HNF1B: variants seen among roughly 807,000 people sequenced by gnomAD.
HNF1B encodes the protein HNF1 homeobox B.
HNF1B carries 8 observed loss-of-function variants against 61.7 expected under a neutral mutation model. The ratio of observed to expected loss-of-function variants is 0.13; its 90% CI spans 0.08 to 0.23. The LOEUF is 0.23. Ranked by LOEUF, HNF1B falls within the 10% of genes least tolerant of loss-of-function variation. The pLI, the probability that HNF1B is intolerant of heterozygous loss-of-function variation, is 1.00. For missense variants in HNF1B, 562 were observed against 714.5 expected (o/e 0.79, Z 2.43); for synonymous variants, 314 against 287.7 (o/e 1.09, Z -0.93).
intron 4 of HNF1B, among the ~76,000 whole-genome samples, chr17:37,718,041 C>T (rs1265188669): frequency 2.0e-5 from 3 of 151,780 alleles, no homozygotes. Flanking sequence ...GACAGGCCTG[C>T]AGGGACAGTA....
intron 4 of HNF1B, among the ~76,000 whole-genome samples, chr17:37,715,275 G>A (rs192718479): frequency 6.6e-6 from 1 of 152,108 alleles, no homozygotes; most frequent in South Asian, 2.1e-4. Flanking sequence ...CATCCTTATA[G>A]CCTAGCAGAC....
At chr17:37,719,884 T>TATCACAA (rs2033251285) in intron 4 of HNF1B, among the ~76,000 whole-genome samples, 1 of 152,232 alleles carries the variant, frequency 6.6e-6, no homozygotes, top group Non-Finnish European at 1.5e-5. Flanking sequence ...CTTTGAGGTC[T>TATCACAA]GGCAAGTGTC....
chr17:37,697,275 A>C (rs1598802624), intron 8 of HNF1B, among the ~76,000 whole-genome samples: 2 of 152,210 alleles, frequency 1.3e-5, no homozygotes, highest in East Asian at 3.9e-4. Context: ...TGAGTGTAAT[A>C]ATCATCCTCA....
intron 8 of HNF1B, among the ~76,000 whole-genome samples, chr17:37,698,169 A>C (rs2147439302): frequency 1.3e-5 from 2 of 152,252 alleles, no homozygotes; most frequent in South Asian, 4.1e-4. Context: ...AAATTCTGAG[A>C]GCTTCTGACA....
chr17:37,706,470 T>C (rs2032752157), intron 5 of HNF1B, among the ~76,000 whole-genome samples: 1 of 152,002 alleles, frequency 6.6e-6, no homozygotes, highest in Admixed American at 6.6e-5. Flanking sequence ...AGATGCTATC[T>C]CCCACCCTGC....
At chr17:37,717,330 A>T (rs1325029471) in intron 4 of HNF1B, among the ~76,000 whole-genome samples, 2 of 152,192 alleles carry the variant, frequency 1.3e-5, no homozygotes, top group Non-Finnish European at 2.9e-5. Context: ...CCACCAACAG[A>T]GTAAACATTA....
chr17:37,706,737 T>C (rs887212431), intron 5 of HNF1B, among the ~76,000 whole-genome samples: 1 of 151,572 alleles, frequency 6.6e-6, no homozygotes, highest in African/African-American at 2.4e-5. Context: ...GGTAATGTAG[T>C]TCCTTTGGAG....
chr17:37,721,437 CCA>C (rs1383807466), intron 4 of HNF1B, among the ~76,000 whole-genome samples: 1 of 152,134 alleles, frequency 6.6e-6, no homozygotes, highest in African/African-American at 2.4e-5. Context: ...AGACTGGATG[CCA>C]CACACAGTCT....
At chr17:37,687,414 G>A (rs3110641) in intron 8 of HNF1B, 22 bp from the exon 9 acceptor site, 390,837 of 1,583,410 alleles carry the variant, frequency 0.25, 53,253 homozygotes, top group African/African-American at 0.55. Flanking sequence ...GAGGAGAGAG[G>A]GTGCTCAGCT....
intron 1 of HNF1B, 23 bp downstream of exon 1, chr17:37,744,518 C>T (rs1173955640): frequency 1.3e-6 from 2 of 1,598,750 alleles, no homozygotes; most frequent in Non-Finnish European, 1.7e-6. Flanking sequence ...GGGTGGGTCC[C>T]CTCCACCTCG....
chr17:37,739,425 G>GT lies in HNF1B; in HGVS notation c.544+14_544+15insA, dbSNP rs1486163459. On this transcript the variant is annotated intron_variant, in intron 2 of 8. Transcript: ENST00000617811. The stretch of plus-strand genomic sequence containing the variant: ...TCACTTCAGGTTGAGGCAGAGGCAG[G>GT]ATGAAAACACTTACGTCGGAGGATC... 1 of 1,613,050 alleles carries GT rather than the reference G, an allele frequency of 6.2e-7. No homozygotes were observed. Among genetic ancestry groups the GT allele is most frequent in the Non-Finnish European group, 8.5e-7 (1 of 1,179,292 alleles).
chr17:37,719,418 C>G (rs2033233303), intron 4 of HNF1B, among the ~76,000 whole-genome samples: 1 of 152,146 alleles, frequency 6.6e-6, no homozygotes, highest in Non-Finnish European at 1.5e-5. Flanking sequence ...GGAGAAGAGT[C>G]AATTAATGGG....
chr17:37,733,656 T>C lies in HNF1B; in HGVS notation c.710A>G (p.Lys237Arg). The change falls in exon 3 of 9, where the codon AAA becomes AGA. Residue 237 changes from lysine to arginine, a missense_variant. Physicochemically the swap from Lys to Arg is conservative, Grantham distance 26. Coordinates refer to ENST00000617811, the MANE Select transcript of HNF1B (RefSeq NM_000458.4). Reference protein sequence around the residue: ...TNKKMRRNRFKWGPASQQILY... With the variant: ...TNKKMRRNRFRWGPASQQILY... ...GATTTGCTGGGACGCGGGCCCCCAT[T>C]TGAACCGGTTGCGGCGCATCTTCTT... The C allele has an allele frequency of 6.2e-7, 1 of 1,614,134 alleles. No homozygotes were observed. Among genetic ancestry groups the C allele is most frequent in the Non-Finnish European group, 8.5e-7 (1 of 1,180,016 alleles).
At chr17:37,714,061 T>C (rs1485941411) in intron 4 of HNF1B, among the ~76,000 whole-genome samples, 12 of 152,224 alleles carry the variant, frequency 7.9e-5, no homozygotes, top group Admixed American at 7.9e-4. Flanking sequence ...GGCTCTACCC[T>C]GTAAGACCTG....
At chr17:37,726,384 G>T (rs1412126669) in intron 4 of HNF1B, among the ~76,000 whole-genome samples, 1 of 152,134 alleles carries the variant, frequency 6.6e-6, no homozygotes, top group African/African-American at 2.4e-5. Context: ...CTGTTGTGTG[G>T]GTCACATAAG....
At chr17:37,741,209 AAT>A (rs2033982438) in intron 1 of HNF1B, among the ~76,000 whole-genome samples, 1 of 152,348 alleles carries the variant, frequency 6.6e-6, no homozygotes, top group Middle Eastern at 3.4e-3. Flanking sequence ...GGCGCCTTTA[AAT>A]ATGTCAAATA....
intron 5 of HNF1B, among the ~76,000 whole-genome samples, chr17:37,705,522 A>G (rs2032716939): frequency 6.6e-6 from 1 of 152,208 alleles, no homozygotes; most frequent in African/African-American, 2.4e-5. Context: ...TCTCCAGTAC[A>G]CATTACAAAA....
At chr17:37,710,332 G>T (rs948685210) in intron 5 of HNF1B, among the ~76,000 whole-genome samples, 171 bp downstream of exon 5, 1 of 152,178 alleles carries the variant, frequency 6.6e-6, no homozygotes, top group African/African-American at 2.4e-5. Flanking sequence ...TCTTCTACCC[G>T]CCAAAGGCTG....
intron 4 of HNF1B, among the ~76,000 whole-genome samples, chr17:37,726,822 C>A (rs147141262): frequency 3.2e-4 from 49 of 152,290 alleles, no homozygotes; most frequent in African/African-American, 1.1e-3. Flanking sequence ...CCCTGAAAGT[C>A]CTCCTGGCAG....
Sources: gnomAD v4.1 joint callset for allele counts (sites outside exome capture counted in the v4.1 genomes callset) on GRCh38, gnomAD v4.1.1 for gene constraint, MANE v1.5 for transcripts, NCBI Gene and HGNC (gene_info 2026-07-23, HGNC 2026-07-21) for gene names.